Variants in LRRC7 observed in about 807,000 individuals in gnomAD.
LRRC7 encodes leucine rich repeat containing 7.
In LRRC7, 23 loss-of-function variants were observed where a neutral mutation model predicts 175.7. That is an observed-to-expected ratio of 0.13 (90% CI 0.09 to 0.19). The LOEUF (loss-of-function observed/expected upper bound fraction) is 0.19. Ranked by LOEUF, LRRC7 falls within the 10% of genes least tolerant of loss-of-function variation. The pLI is 1.00. For missense variants in LRRC7, 1,354 were observed against 1,904.7 expected (o/e 0.71, Z 5.38); for synonymous variants, 685 against 680.9 (o/e 1.01, Z -0.09).
At chr1:69,660,961 A>C (rs1008634599) in intron 1 of LRRC7, among the ~76,000 whole-genome samples, 1 of 152,060 alleles carries the variant, frequency 6.6e-6, no homozygotes, top group Admixed American at 6.6e-5. Context: ...TATGTATTTA[A>C]TATATTTACA....
At chr1:70,013,340 T>C (rs1656686254) in intron 13 of LRRC7, among the ~76,000 whole-genome samples, 2 of 151,880 alleles carry the variant, frequency 1.3e-5, no homozygotes, top group Non-Finnish European at 2.9e-5. Flanking sequence ...CAAATTTATA[T>C]ACAAAAGCCT....
chr1:69,792,665 C>T (rs939648646), intron 4 of LRRC7, among the ~76,000 whole-genome samples: 1 of 152,038 alleles, frequency 6.6e-6, no homozygotes, highest in Non-Finnish European at 1.5e-5. Flanking sequence ...AACTCCAATT[C>T]ATAACAGGAA....
At chr1:69,788,800 A>G (rs558646560) in intron 3 of LRRC7, among the ~76,000 whole-genome samples, 46 of 152,298 alleles carry the variant, frequency 3.0e-4, no homozygotes, top group African/African-American at 1.1e-3. Context: ...TTTCATTACA[A>G]CTGATATTTA....
At chr1:69,830,390 A>G (rs1275248849) in intron 5 of LRRC7, among the ~76,000 whole-genome samples, 3 of 151,848 alleles carry the variant, frequency 2.0e-5, no homozygotes, top group South Asian at 4.1e-4. Context: ...CCTAGTTTGA[A>G]TTATAAATTC....
rs1292435670 is a variant in LRRC7, at chr1:69,792,178, T to C, written c.421+18T>C. 5 of 1,358,538 alleles carry C rather than the reference T, an allele frequency of 3.7e-6. No individual in the cohort carries two copies. The African/African-American group carries it at 5.8e-5, about 16-fold the overall frequency. 84.2% of individuals were successfully genotyped at this position (1,358,538 alleles called of 1,614,324 possible). A position where few individuals can be genotyped will look rare whatever the true frequency, so the allele number is the denominator to read the frequency against. ...TAAAAATGGTAAGATTTTTCTCTCA[T>C]CATAAAATACCTAGAATTTTTTAAC... On this transcript the variant is annotated intron_variant, in intron 4 of 26. Transcript: ENST00000651989.
chr1:69,915,996 G>C (rs1257114298), intron 7 of LRRC7, among the ~76,000 whole-genome samples: 1 of 142,908 alleles, frequency 7.0e-6, no homozygotes, highest in Non-Finnish European at 1.5e-5. Context: ...CAGGTAGTTT[G>C]AGTCCAGGGT....
At chr1:70,109,252 C>T (rs1665357946) in intron 26 of LRRC7, among the ~76,000 whole-genome samples, 1 of 152,130 alleles carries the variant, frequency 6.6e-6, no homozygotes, top group South Asian at 2.1e-4. Context: ...GAACTCCCAA[C>T]CTCAGGTGGT....
intron 2 of LRRC7, among the ~76,000 whole-genome samples, chr1:69,749,811 C>T (rs1365151172): frequency 3.3e-5 from 5 of 151,970 alleles, no homozygotes; most frequent in Non-Finnish European, 7.4e-5. Flanking sequence ...CGCCTGTAAT[C>T]CCAGCACTTT....
intron 1 of LRRC7, among the ~76,000 whole-genome samples, chr1:69,644,279 T>G (rs997353942): frequency 6.6e-6 from 1 of 152,086 alleles, no homozygotes; most frequent in African/African-American, 2.4e-5. Flanking sequence ...TGGTGGCATA[T>G]TTTTGTATTT....
At chr1:69,697,845 A>C (rs1233841794) in intron 2 of LRRC7, among the ~76,000 whole-genome samples, 1 of 152,208 alleles carries the variant, frequency 6.6e-6, no homozygotes, top group Non-Finnish European at 1.5e-5. Flanking sequence ...GTGCATGGCT[A>C]CAAGGATCTT....
intron 1 of LRRC7, among the ~76,000 whole-genome samples, chr1:69,670,339 C>G (rs983763823): frequency 4.6e-5 from 7 of 152,144 alleles, no homozygotes; most frequent in Non-Finnish European, 8.8e-5. Context: ...GAGGTACTAC[C>G]TTAGTTGTCT....
intron 1 of LRRC7, among the ~76,000 whole-genome samples, chr1:69,664,777 A>G (rs1351356307): frequency 6.6e-5 from 10 of 152,074 alleles, no homozygotes; most frequent in Non-Finnish European, 1.2e-4. Context: ...TGTTGATTGT[A>G]TCCTTTGCTG....
At chr1:69,965,719 T>C (rs78776037) in intron 8 of LRRC7, among the ~76,000 whole-genome samples, 1,929 of 152,280 alleles carry the variant, frequency 0.013, 18 homozygotes, top group Non-Finnish European at 0.02. Flanking sequence ...TCAGACCTTA[T>C]GGTGCTAACC....
At chr1:70,077,603 G>A (rs76136011) in intron 24 of LRRC7, among the ~76,000 whole-genome samples, 11,884 of 152,062 alleles carry the variant, frequency 0.078, 569 homozygotes, top group South Asian at 0.18. Flanking sequence ...ATTTGAAAAC[G>A]CACTGAGATT....
chr1:69,943,271 G>GA (rs902970320), intron 8 of LRRC7, among the ~76,000 whole-genome samples: 6 of 151,556 alleles, frequency 4.0e-5, no homozygotes, highest in African/African-American at 9.7e-5. Context: ...ATTCAGCAAC[G>GA]AAAAAAAATG....
At chr1:70,003,165 T>C (rs1233260787) in intron 11 of LRRC7, among the ~76,000 whole-genome samples, 2 of 152,112 alleles carry the variant, frequency 1.3e-5, no homozygotes, top group African/African-American at 4.8e-5. Context: ...GGGTTGGTTG[T>C]CGGAGGGAAG....
intron 23 of LRRC7, among the ~76,000 whole-genome samples, chr1:70,055,768 C>T (rs1661102730): frequency 6.6e-6 from 1 of 152,136 alleles, no homozygotes; most frequent in South Asian, 2.1e-4. Flanking sequence ...AATCCACTCC[C>T]GTGATTCAAA....
At chr1:69,814,854 G>A (rs966082535) in intron 4 of LRRC7, among the ~76,000 whole-genome samples, 3 of 152,144 alleles carry the variant, frequency 2.0e-5, no homozygotes, top group East Asian at 1.9e-4. Flanking sequence ...AAACTCCATC[G>A]ACTCAATAGC....
chr1:70,032,856 T>C (rs889830603), intron 18 of LRRC7, among the ~76,000 whole-genome samples: 1 of 152,150 alleles, frequency 6.6e-6, no homozygotes, highest in Non-Finnish European at 1.5e-5. Context: ...AAAAAGGACA[T>C]TTTACCTTTT....
Sources: gnomAD v4.1 joint callset for allele counts (sites outside exome capture counted in the v4.1 genomes callset) on GRCh38, gnomAD v4.1.1 for gene constraint, MANE v1.5 for transcripts, NCBI Gene and HGNC (gene_info 2026-07-23, HGNC 2026-07-21) for gene names.